Variants in TULP4 observed in about 807,000 individuals in gnomAD.
TULP4 encodes TUB like protein 4, also known as tubby-related protein 4.
TULP4 carries 16 observed loss-of-function variants against 129.0 expected under a neutral mutation model. That is an observed-to-expected ratio of 0.12 (90% CI 0.08 to 0.19). The LOEUF (loss-of-function observed/expected upper bound fraction) is 0.19, where lower values mean the gene tolerates loss of function less well. Ranked by LOEUF, TULP4 falls within the 10% of genes least tolerant of loss-of-function variation. The pLI is 1.00. For synonymous variants in TULP4, 998 were observed against 854.0 expected (o/e 1.17, Z -2.94); for missense variants, 1,842 against 2,059.1 (o/e 0.89, Z 2.04).
chr6:158,504,036 T>C lies in TULP4; in HGVS notation c.4373T>C (p.Leu1458Pro). ...GCCAGTGAGAAGGAGGACGGGCGGCTGGGCAGCCAAGGCTTCGTGTACGTG... is the reference window on the plus strand; with the variant it reads ...GCCAGTGAGAAGGAGGACGGGCGGCCGGGCAGCCAAGGCTTCGTGTACGTG... Reference protein sequence around the residue: ...RRASEKEDGRLGSQGFVYVMA... With the variant: ...RRASEKEDGRPGSQGFVYVMA... Residue 1458 changes from leucine (L) to proline (P), a missense_variant, in exon 13 of 14, where the codon CTG (leucine) becomes CCG (proline). Leu to Pro is a moderately conservative substitution (Grantham distance 98). Coordinates refer to ENST00000367097, the MANE Select transcript of TULP4 (RefSeq NM_020245.5). 1 of 1,610,608 alleles carries C rather than the reference T, an allele frequency of 6.2e-7. No homozygotes were observed. Among genetic ancestry groups the C allele is most frequent in the Non-Finnish European group, 8.5e-7 (1 of 1,178,582 alleles).
chr6:158,255,057 G>C (rs1309510856), intron 1 of TULP4, among the ~76,000 whole-genome samples: 1 of 152,204 alleles, frequency 6.6e-6, no homozygotes, highest in Non-Finnish European at 1.5e-5. Flanking sequence ...GGGTGACAGA[G>C]TGAGACTCTG....
chr6:158,293,943 TG>T (rs1200320884), intron 1 of TULP4, among the ~76,000 whole-genome samples: 3 of 152,210 alleles, frequency 2.0e-5, no homozygotes, highest in African/African-American at 7.2e-5. Flanking sequence ...AGGCAGGCTC[TG>T]AGTGCAAATT....
In TULP4 at chr6:158,491,933, A is replaced by AT. The variant is rs1176022168; in HGVS notation, c.1632-1640_1632-1639insT. Among the ~76,000 whole-genome samples, 449 of 151,950 alleles carry AT rather than the reference A, an allele frequency of 3.0e-3. 3 individuals carry two copies. Among genetic ancestry groups the AT allele is most frequent in the African/African-American group, 1.0e-2 (414 of 41,410 alleles). ...GAGTGCAGTGGCGTGATCTTGGCTC[A>AT]CTGCAACCTTCACCTCCTGGGTTCA... On this transcript the variant is annotated intron_variant, in intron 9 of 13. Coordinates refer to ENST00000367097, the MANE Select transcript of TULP4 (RefSeq NM_020245.5).
chr6:158,335,107 C>A (rs1303188881), intron 1 of TULP4, among the ~76,000 whole-genome samples: 1 of 151,962 alleles, frequency 6.6e-6, no homozygotes, highest in East Asian at 1.9e-4. Flanking sequence ...GAAACCCGGT[C>A]TCTACTAAAA....
rs527532897 is a variant in TULP4 at position 158,462,042 on chromosome 6, T to A, written c.1026+313T>A. ...CACTTGTAGGAGAGGAAGAGTAATT[T>A]TCTTCTCTACTCTTAGTGAGTTCTT... On this transcript the variant is annotated intron_variant, in intron 6 of 13. Coordinates refer to ENST00000367097, the MANE Select transcript of TULP4 (RefSeq NM_020245.5). Among the ~76,000 whole-genome samples the A allele has an allele frequency of 2.0e-5, 3 of 152,330 alleles. No individual in the cohort carries two copies. The South Asian group carries it at 6.2e-4, about 32-fold the overall frequency.
chr6:158,465,904 T>A (rs985657444), intron 6 of TULP4, among the ~76,000 whole-genome samples: 5 of 152,210 alleles, frequency 3.3e-5, no homozygotes, highest in Non-Finnish European at 7.3e-5. Context: ...CAACAAAATT[T>A]GGTCTAGAAC....
chr6:158,432,918 T>C (rs961500926), intron 3 of TULP4, among the ~76,000 whole-genome samples: 13 of 152,244 alleles, frequency 8.5e-5, no homozygotes, highest in African/African-American at 2.9e-4. Context: ...ATCACCCTTA[T>C]ATATTTCAAC....
intron 5 of TULP4, among the ~76,000 whole-genome samples, chr6:158,454,026 C>CCT (rs1554293026): frequency 4.0e-5 from 6 of 148,412 alleles, no homozygotes; most frequent in East Asian, 2.0e-4. Context: ...GCACCGCCCC[C>CCT]CCCCAAGTAA....
chr6:158,405,783 G>A (rs890382187), intron 1 of TULP4, among the ~76,000 whole-genome samples: 3 of 152,148 alleles, frequency 2.0e-5, no homozygotes, highest in Non-Finnish European at 2.9e-5. Flanking sequence ...CCTGGATCCC[G>A]GACATGTTCC....
chr6:158,375,791 T>G (rs1016776614), intron 1 of TULP4, among the ~76,000 whole-genome samples: 1 of 152,146 alleles, frequency 6.6e-6, no homozygotes, highest in Non-Finnish European at 1.5e-5. Flanking sequence ...TACAGAAATA[T>G]GTAGGGATCC....
At chr6:158,396,131 T>C (rs1377069243) in intron 1 of TULP4, among the ~76,000 whole-genome samples, 2 of 152,200 alleles carry the variant, frequency 1.3e-5, no homozygotes, top group African/African-American at 4.8e-5. Context: ...AATGAGAAAA[T>C]ATATGCAATA....
At chr6:158,342,281 G>A (rs1780201123) in intron 1 of TULP4, among the ~76,000 whole-genome samples, 1 of 152,184 alleles carries the variant, frequency 6.6e-6, no homozygotes, top group South Asian at 2.1e-4. Flanking sequence ...GTCTTACTCA[G>A]GAAATCTTTG....
At chr6:158,445,735 G>T (rs954081113) in intron 3 of TULP4, among the ~76,000 whole-genome samples, 13 of 152,330 alleles carry the variant, frequency 8.5e-5, no homozygotes, top group African/African-American at 2.9e-4. Flanking sequence ...GGGTCTGGTT[G>T]TGTGTGTGTT....
At chr6:158,444,035 C>CAT (rs1778967234) in intron 3 of TULP4, among the ~76,000 whole-genome samples, 1 of 151,452 alleles carries the variant, frequency 6.6e-6, no homozygotes, top group Admixed American at 6.6e-5. Context: ...CTGGCTAACA[C>CAT]GGTGAAACCC....
At chr6:158,349,641 C>T (rs1267764707) in intron 1 of TULP4, among the ~76,000 whole-genome samples, 3 of 142,130 alleles carry the variant, frequency 2.1e-5, no homozygotes, top group South Asian at 2.4e-4. Flanking sequence ...GACGGGGTAG[C>T]GGCTAGGCAG....
At chr6:158,470,846 C>G (rs775836108) in intron 6 of TULP4, among the ~76,000 whole-genome samples, 3 of 152,226 alleles carry the variant, frequency 2.0e-5, no homozygotes, top group East Asian at 3.9e-4. Flanking sequence ...ACAGCTGTGA[C>G]AGCCAAGATA....
intron 3 of TULP4, among the ~76,000 whole-genome samples, chr6:158,448,671 C>T (rs1239265428): frequency 6.6e-6 from 1 of 152,160 alleles, no homozygotes; most frequent in Non-Finnish European, 1.5e-5. Context: ...ATTTTCCTAA[C>T]TCCTCTCCTC....
rs1407182055 is a variant in TULP4 at position 158,508,477 on chromosome 6, T to A, written c.*1783T>A. 2 of 152,410 alleles carry A rather than the reference T, an allele frequency of 1.3e-5. No individual in the cohort carries two copies. Among genetic ancestry groups the A allele is most frequent in the African/African-American group, 2.4e-5 (1 of 41,462 alleles). 9.4% of individuals were successfully genotyped at this position (152,410 alleles called of 1,614,324 possible). A position where few individuals can be genotyped will look rare whatever the true frequency, so the allele number is the denominator to read the frequency against. On this transcript the variant is annotated 3_prime_UTR_variant, in exon 14 of 14. Coordinates refer to ENST00000367097, the MANE Select transcript of TULP4 (RefSeq NM_020245.5). ...GAGAAATACTGACGAAGTTTTCTGA[T>A]GTGGCAAAGGATATTTCCCATCTAA...
At chr6:158,337,220 A>G (rs1458042078) in intron 1 of TULP4, among the ~76,000 whole-genome samples, 1 of 128,118 alleles carries the variant, frequency 7.8e-6, no homozygotes, top group Non-Finnish European at 1.5e-5. Flanking sequence ...GCAGAGCATT[A>G]ATTTCCTGGG....
Sources: allele counts gnomAD v4.1 joint callset (sites outside exome capture counted in the v4.1 genomes callset), GRCh38; gene constraint gnomAD v4.1.1; transcripts MANE v1.5; gene names NCBI Gene and HGNC (gene_info 2026-07-23, HGNC 2026-07-21).